The following UGT2B7 variants were observed in gnomAD, a reference collection of about 807,000 sequenced individuals.
The protein encoded by UGT2B7 is UDP-glucuronosyltransferase 2B7.
Under a neutral mutation model 51.9 loss-of-function variants are expected in UGT2B7, and 51 were observed. The observed-to-expected ratio is 0.98, with a 90% CI of 0.78 to 1.24. The LOEUF is 1.24. Ranked by LOEUF, UGT2B7 falls within the 50% of genes most tolerant of loss-of-function variation. The pLI is 0.00. For missense variants in UGT2B7, 727 were observed against 628.4 expected (o/e 1.16, Z -1.68); for synonymous variants, 225 against 211.6 (o/e 1.06, Z -0.55).
chr4:69,090,808 G>A (rs1719069115), intron 2 of UGT2B7, among the ~76,000 whole-genome samples: 1 of 152,148 alleles, frequency 6.6e-6, no homozygotes, highest in Non-Finnish European at 1.5e-5. Flanking sequence ...GCCAATATTA[G>A]TCGACACAGT....
chr4:69,074,404 C>T (rs11937195), intron 1 of UGT2B7, among the ~76,000 whole-genome samples: 4 of 138,300 alleles, frequency 2.9e-5, no homozygotes, highest in Admixed American at 6.9e-5. Flanking sequence ...TCAGCCTGGA[C>T]GATGGAATAA....
chr4:69,106,809 A>G (rs1300602965), intron 3 of UGT2B7, among the ~76,000 whole-genome samples: 1 of 150,388 alleles, frequency 6.6e-6, no homozygotes, highest in Non-Finnish European at 1.5e-5. Flanking sequence ...GTGAGATGCT[A>G]TCTCATTATG....
intron 1 of UGT2B7, among the ~76,000 whole-genome samples, chr4:69,058,427 C>G (rs956410949): frequency 8.5e-5 from 13 of 152,162 alleles, no homozygotes; most frequent in Non-Finnish European, 1.0e-4. Context: ...AAATGCCTTT[C>G]TGGGAAACAA....
chr4:69,107,521 A>T (rs6600892), intron 4 of UGT2B7, among the ~76,000 whole-genome samples: 29,730 of 151,962 alleles, frequency 0.2, 3,060 homozygotes, highest in East Asian at 0.26. Context: ...TTTTTCAATA[A>T]CTTCCTGGGC....
intron 1 of UGT2B7, among the ~76,000 whole-genome samples, chr4:69,080,572 C>A (rs981262702): frequency 6.6e-6 from 1 of 150,886 alleles, no homozygotes; most frequent in East Asian, 2.0e-4. Flanking sequence ...GAAAATCTAT[C>A]AATGACTATA....
At chr4:69,095,297 G>C (rs1577920169), upstream of UGT2B7, among the ~76,000 whole-genome samples, 1 of 152,066 alleles carries the variant, frequency 6.6e-6, no homozygotes, top group Admixed American at 6.6e-5. Flanking sequence ...GGAAAATTTG[G>C]GTAATTGATT....
intron 1 of UGT2B7, among the ~76,000 whole-genome samples, chr4:69,084,330 T>TTCTCTCTCCCTCTC (rs1718901693): frequency 1.3e-5 from 2 of 148,232 alleles, no homozygotes; most frequent in South Asian, 4.3e-4. Context: ...TCTATAAATT[T>TTCTCTCTCCCTCTC]TCTCTCTCTC....
chr4:69,059,049 C>A (rs1351704007), intron 1 of UGT2B7, among the ~76,000 whole-genome samples: 1 of 152,196 alleles, frequency 6.6e-6, no homozygotes, highest in African/African-American at 2.4e-5. Flanking sequence ...GGCTGCCACA[C>A]CCAGGAGAAA....
At chr4:69,106,372 T>C (rs1400131088) in intron 3 of UGT2B7, among the ~76,000 whole-genome samples, 1 of 152,184 alleles carries the variant, frequency 6.6e-6, no homozygotes, top group Non-Finnish European at 1.5e-5. Flanking sequence ...CATCCCTTTG[T>C]TAGTTTGCTA....
At chr4:69,106,467 T>C (rs374528003) in intron 3 of UGT2B7, among the ~76,000 whole-genome samples, 1 of 152,234 alleles carries the variant, frequency 6.6e-6, no homozygotes, top group African/African-American at 2.4e-5. Context: ...TTCTGTAGTG[T>C]ATATGTACCA....
chr4:69,069,140 G>T (rs1322165779), intron 1 of UGT2B7, among the ~76,000 whole-genome samples: 1 of 150,696 alleles, frequency 6.6e-6, no homozygotes, highest in East Asian at 1.9e-4. Context: ...ATCAGGTTAG[G>T]ATTCAAACTA....
At chr4:69,097,482 T>G (rs1719282067) in intron 1 of UGT2B7, among the ~76,000 whole-genome samples, 1 of 152,118 alleles carries the variant, frequency 6.6e-6, no homozygotes, top group Non-Finnish European at 1.5e-5. Flanking sequence ...ACCTATACAT[T>G]AGTGCATCTA....
intron 5 of UGT2B7, among the ~76,000 whole-genome samples, chr4:69,111,471 T>A (rs1487974259): frequency 6.6e-6 from 1 of 152,166 alleles, no homozygotes; most frequent in African/African-American, 2.4e-5. Flanking sequence ...TTAGAGATGA[T>A]AATTCTCATA....
At position 69,080,776 on chromosome 4, in the gene UGT2B7, G is replaced by T. The variant is rs552417781; in HGVS notation, c.-158-8696G>T. On this transcript the variant is annotated intron_variant, in intron 1 of 5. Transcript: ENST00000502942. ...TCTTCTTTACACACTCCTCACCATGGAATATCTCTAATGGAGCCCTTTCTT... is the reference window on the plus strand; with the variant it reads ...TCTTCTTTACACACTCCTCACCATGTAATATCTCTAATGGAGCCCTTTCTT... Among the ~76,000 whole-genome samples the T allele has an allele frequency of 5.3e-5, 8 of 152,056 alleles. No individual in the cohort carries two copies. The South Asian group carries it at 1.7e-3, about 32-fold the overall frequency.
At chr4:69,074,427 A>AATATATATAC (rs1718660280) in intron 1 of UGT2B7, among the ~76,000 whole-genome samples, 1 of 116,068 alleles carries the variant, frequency 8.6e-6, no homozygotes, top group Non-Finnish European at 1.8e-5. Context: ...CCTTATCTTA[A>AATATATATAC]ATATATATAT....
chr4:69,054,508 C>G (rs1454420855), intron 1 of UGT2B7, among the ~76,000 whole-genome samples: 1 of 152,142 alleles, frequency 6.6e-6, no homozygotes, highest in African/African-American at 2.4e-5. Flanking sequence ...GTGAAAATCC[C>G]CACATAACCA....
At chr4:69,112,412 T>A (rs1309349151) in intron 5 of UGT2B7, 45 bp from the exon 6 acceptor site, 1 of 1,587,388 alleles carries the variant, frequency 6.3e-7, no homozygotes. Context: ...GGGTTTTGTC[T>A]GTAACTCTTC....
intron 2 of UGT2B7, among the ~76,000 whole-genome samples, chr4:69,100,602 G>T (rs1303875796): frequency 6.6e-6 from 1 of 151,880 alleles, no homozygotes; most frequent in African/African-American, 2.4e-5. Flanking sequence ...CCCTACTCTT[G>T]AAAAATTTCC....
chr4:69,090,413 G>A (rs1719060842), intron 2 of UGT2B7, among the ~76,000 whole-genome samples: 1 of 151,850 alleles, frequency 6.6e-6, no homozygotes, highest in Non-Finnish European at 1.5e-5. Context: ...AAGGCATAAA[G>A]ACAAACAAAA....
Sources: allele counts gnomAD v4.1 joint callset (sites outside exome capture counted in the v4.1 genomes callset), GRCh38; gene constraint gnomAD v4.1.1; transcripts MANE v1.5; gene names NCBI Gene and HGNC (gene_info 2026-07-23, HGNC 2026-07-21).